SERPINB10: variants seen among roughly 807,000 people sequenced by gnomAD.
SERPINB10 encodes serpin family B member 10.
SERPINB10 carries 35 observed loss-of-function variants against 39.1 expected under a neutral mutation model. That is an observed-to-expected ratio of 0.90 (90% confidence interval 0.68 to 1.19). SERPINB10 has a LOEUF of 1.19. Ranked by LOEUF, SERPINB10 falls within the 50% of genes most tolerant of loss-of-function variation. The pLI is 0.00. For synonymous variants in SERPINB10, 190 were observed against 158.1 expected (o/e 1.20, Z -1.52); for missense variants, 546 against 460.5 (o/e 1.19, Z -1.70).
intron 2 of SERPINB10, among the ~76,000 whole-genome samples, chr18:63,916,293 T>C (rs897870461): frequency 9.3e-5 from 14 of 150,906 alleles, no homozygotes; most frequent in African/African-American, 3.4e-4. Flanking sequence ...TGTAAAAATA[T>C]ATATGAATAC....
chr18:63,934,561 G>A (rs761116593), intron 7 of SERPINB10, among the ~76,000 whole-genome samples: 8 of 152,148 alleles, frequency 5.3e-5, no homozygotes, highest in Non-Finnish European at 1.0e-4. Flanking sequence ...ATGTATTTGA[G>A]TGTATAGCTG....
intron 5 of SERPINB10, 115 bp from the exon 6 acceptor site, chr18:63,929,930 C>A (rs1428689760): frequency 2.8e-6 from 3 of 1,070,942 alleles, no homozygotes; most frequent in African/African-American, 3.3e-5. Flanking sequence ...AAATCAAAAA[C>A]CAGGACTTTT....
Position 63,935,463 on chromosome 18 carries a change from C to A in SERPINB10, c.*221C>A, listed in dbSNP as rs2050256510. 4.3e-6 allele frequency: 2 copies of A among 467,404 alleles called. No homozygotes were observed. The highest frequency in any genetic ancestry group is 6.8e-5 in the East Asian group (2 of 29,518). 29.0% of individuals were successfully genotyped at this position (467,404 alleles called of 1,614,324 possible). On this transcript the variant is annotated 3_prime_UTR_variant, in exon 8 of 8. Coordinates refer to ENST00000238508, the MANE Select transcript of SERPINB10 (RefSeq NM_005024.3). ...TATTTTTAACACGTTAACATTTTGT[C>A]TAATGTGACTTTCATTTACATTTCA...
chr18:63,934,747 C>A, intron 7 of SERPINB10, 91 bp from the exon 8 acceptor site: 1 of 1,296,816 alleles, frequency 7.7e-7, no homozygotes, highest in African/African-American at 1.5e-5. Flanking sequence ...TCATAATTCA[C>A]CTATGTAATT....
chr18:63,934,871 G>A lies in SERPINB10; in HGVS notation c.823G>A (p.Glu275Lys). The A allele has an allele frequency of 1.2e-6, 2 of 1,612,330 alleles. No individual in the cohort carries two copies. The highest frequency in any genetic ancestry group is 2.2e-5 in the South Asian group (2 of 90,464). The change falls in exon 8 of 8, where the codon GAG becomes AAG. Residue 275 changes from glutamate (E) to lysine (K), a missense_variant. By Grantham distance (56) the Glu-to-Lys change is moderately conservative. Transcript: ENST00000238508. ...EKAITYEKLNEWTSADMMELY... is the reference protein window; with the variant it reads ...EKAITYEKLNKWTSADMMELY... ...GGCCATCACCTATGAGAAGCTGAAT[G>A]AGTGGACCAGTGCAGACATGATGGA...
intron 5 of SERPINB10, among the ~76,000 whole-genome samples, chr18:63,924,899 C>T (rs1278841580): frequency 6.6e-6 from 1 of 151,752 alleles, no homozygotes; most frequent in Non-Finnish European, 1.5e-5. Flanking sequence ...ATTAAGTAAC[C>T]TTGTAAAACA....
At chr18:63,909,739 T>G (rs17072077) in intron 1 of SERPINB10, among the ~76,000 whole-genome samples, 3,753 of 152,124 alleles carry the variant, frequency 0.025, 170 homozygotes, top group African/African-American at 0.085. Context: ...CCGTGTAAAT[T>G]TAATTCATGA....
chr18:63,913,766 C>T (rs1327806286), intron 1 of SERPINB10, among the ~76,000 whole-genome samples: 2 of 151,864 alleles, frequency 1.3e-5, no homozygotes, highest in Non-Finnish European at 2.9e-5. Context: ...CTGGAGTATT[C>T]TGTAGATGTT....
rs2050133868 is a variant in SERPINB10, at chr18:63,919,873, A to G, written c.458A>G (p.Asp153Gly). The change falls in exon 5 of 8, where the codon GAC becomes GGC. Residue 153 changes from aspartate (D) to glycine (G), a missense_variant. By Grantham distance (94) the Asp-to-Gly change is moderately conservative. Transcript: ENST00000238508. ...FVEASDQIRK[D>G]INSWVERQTE... ...GAAGCTTCTGATCAAATCAGAAAGGACATCAACTCTTGGGTTGAAAGACAG... is the reference window on the plus strand; with the variant it reads ...GAAGCTTCTGATCAAATCAGAAAGGGCATCAACTCTTGGGTTGAAAGACAG... The G allele has an allele frequency of 6.2e-7, 1 of 1,610,614 alleles. No individual in the cohort carries two copies. Among genetic ancestry groups the G allele is most frequent in the Non-Finnish European group, 8.5e-7 (1 of 1,178,050 alleles).
chr18:63,933,374 A>C (rs537727569), intron 7 of SERPINB10, among the ~76,000 whole-genome samples, 171 bp downstream of exon 7: 15 of 152,186 alleles, frequency 9.9e-5, no homozygotes, highest in Admixed American at 2.6e-4. Flanking sequence ...CTTCACCTTC[A>C]CAATATTATT....
At chr18:63,925,842 C>T (rs191237489) in intron 5 of SERPINB10, among the ~76,000 whole-genome samples, 89 of 151,998 alleles carry the variant, frequency 5.9e-4, no homozygotes, top group Middle Eastern at 6.8e-3. Flanking sequence ...GTATATTACA[C>T]GCTCTCAAAG....
At chr18:63,929,409 T>G (rs915481789) in intron 5 of SERPINB10, among the ~76,000 whole-genome samples, 3 of 152,012 alleles carry the variant, frequency 2.0e-5, no homozygotes, top group African/African-American at 4.8e-5. Context: ...TTGAGCAATT[T>G]TACAGATCTT....
intron 3 of SERPINB10, 43 bp downstream of exon 3, chr18:63,917,564 A>C (rs2050113336): frequency 8.6e-7 from 1 of 1,160,246 alleles, no homozygotes; most frequent in African/African-American, 1.6e-5. Flanking sequence ...TTAAGGAAAA[A>C]GTACTTTTAG....
At chr18:63,927,740 T>C (rs1412888974) in intron 5 of SERPINB10, among the ~76,000 whole-genome samples, 1 of 152,174 alleles carries the variant, frequency 6.6e-6, no homozygotes, top group East Asian at 1.9e-4. Flanking sequence ...TTAATAGATT[T>C]CCTAATATAT....
chr18:63,917,387 CA>C (rs2050111177), intron 2 of SERPINB10, 68 bp from the exon 3 acceptor site: 1 of 882,066 alleles, frequency 1.1e-6, no homozygotes, highest in East Asian at 2.9e-5. Context: ...CTTGTATTTA[CA>C]GATGATGTAT....
chr18:63,919,706 G>C (rs966720627), intron 4 of SERPINB10, 82 bp from the exon 5 acceptor site: 5 of 940,784 alleles, frequency 5.3e-6, no homozygotes, highest in Non-Finnish European at 8.1e-6. Context: ...CGCCTACCTA[G>C]TTCTTTTGAT....
At chr18:63,911,631 C>T (rs1307622284) in intron 1 of SERPINB10, among the ~76,000 whole-genome samples, 1 of 151,778 alleles carries the variant, frequency 6.6e-6, no homozygotes, top group Non-Finnish European at 1.5e-5. Flanking sequence ...GTTCCATTGG[C>T]CTATGTGTCT....
intron 1 of SERPINB10, among the ~76,000 whole-genome samples, chr18:63,910,195 A>C (rs114838129): frequency 6.6e-6 from 1 of 151,996 alleles, no homozygotes; most frequent in Non-Finnish European, 1.5e-5. Context: ...CTCTCATTCT[A>C]GGTTTCTCAG....
At chr18:63,909,497 G>C (rs2050048733) in intron 1 of SERPINB10, among the ~76,000 whole-genome samples, 1 of 151,930 alleles carries the variant, frequency 6.6e-6, no homozygotes, top group African/African-American at 2.4e-5. Context: ...GGTAACATCT[G>C]ATATACAAAT....
Sources: allele counts gnomAD v4.1 joint callset (sites outside exome capture counted in the v4.1 genomes callset), GRCh38; gene constraint gnomAD v4.1.1; transcripts MANE v1.5; gene names NCBI Gene and HGNC (gene_info 2026-07-23, HGNC 2026-07-21).